CHST11: variants seen among roughly 807,000 people sequenced by gnomAD.
CHST11 encodes C4S-1.
Under a neutral mutation model 30.4 loss-of-function variants are expected in CHST11, and 9 were observed. The ratio of observed to expected loss-of-function variants is 0.30; its 90% CI spans 0.18 to 0.52. The LOEUF (loss-of-function observed/expected upper bound fraction) is 0.52, where lower values mean the gene tolerates loss of function less well. Ranked by LOEUF, CHST11 falls within the 20% of genes least tolerant of loss-of-function variation. The pLI is 0.97. For synonymous variants in CHST11, 152 were observed against 187.8 expected, an observed-to-expected ratio of 0.81 and a Z score of 1.56; for missense variants, 348 against 460.6, an observed-to-expected ratio of 0.76 and a Z score of 2.24.
chr12:104,614,693 TTG>T (rs3039184), intron 2 of CHST11, among the ~76,000 whole-genome samples: 10 of 148,850 alleles, frequency 6.7e-5, no homozygotes, highest in Admixed American at 1.3e-4. Flanking sequence ...GCATGCATGC[TTG>T]TGTGTGTGTG....
chr12:104,684,812 G>A (rs2039831639), intron 2 of CHST11, among the ~76,000 whole-genome samples: 2 of 152,122 alleles, frequency 1.3e-5, no homozygotes, highest in East Asian at 1.9e-4. Context: ...GCCTCCCAAA[G>A]TGCTGGGATT....
At chr12:104,507,279 G>A (rs749526869) in intron 1 of CHST11, among the ~76,000 whole-genome samples, 1 of 152,218 alleles carries the variant, frequency 6.6e-6, no homozygotes, top group Non-Finnish European at 1.5e-5. Flanking sequence ...CAATTAGCAG[G>A]ATATCCAGAG....
chr12:104,608,138 G>A (rs991903226), intron 2 of CHST11, among the ~76,000 whole-genome samples: 2 of 152,054 alleles, frequency 1.3e-5, no homozygotes, highest in Admixed American at 6.5e-5. Flanking sequence ...TGATTCTAAT[G>A]GGTAGCCAGG....
intron 1 of CHST11, among the ~76,000 whole-genome samples, chr12:104,595,392 C>G (rs948955594): frequency 1.3e-5 from 2 of 152,168 alleles, no homozygotes; most frequent in Non-Finnish European, 2.9e-5. Context: ...TCCTCCTACA[C>G]CAATTACTGT....
At chr12:104,516,806 C>A (rs1322182637) in intron 1 of CHST11, among the ~76,000 whole-genome samples, 3 of 151,818 alleles carry the variant, frequency 2.0e-5, no homozygotes, top group Non-Finnish European at 4.4e-5. Flanking sequence ...GCAGAAGGGG[C>A]ACATTAGGAG....
chr12:104,476,886 C>G (rs1833407074), intron 1 of CHST11, among the ~76,000 whole-genome samples: 1 of 151,030 alleles, frequency 6.6e-6, no homozygotes, highest in Admixed American at 6.7e-5. Context: ...AACTGTGTCC[C>G]CAGTCCCTGG....
chr12:104,610,745 T>G (rs989258097), intron 2 of CHST11, among the ~76,000 whole-genome samples: 2 of 152,156 alleles, frequency 1.3e-5, no homozygotes, highest in African/African-American at 4.8e-5. Flanking sequence ...AGCATGCATC[T>G]TCCTTTCCCA....
chr12:104,635,788 G>C (rs186443974), intron 2 of CHST11, among the ~76,000 whole-genome samples: 1 of 152,322 alleles, frequency 6.6e-6, no homozygotes, highest in East Asian at 1.9e-4. Context: ...TGATTGCTCA[G>C]TGGAGAAGCA....
chr12:104,565,982 C>A (rs1410034576), intron 1 of CHST11, among the ~76,000 whole-genome samples: 2 of 152,194 alleles, frequency 1.3e-5, no homozygotes, highest in Non-Finnish European at 2.9e-5. Flanking sequence ...GTGTGGCAGC[C>A]ACATTCTCAC....
intron 2 of CHST11, among the ~76,000 whole-genome samples, chr12:104,692,700 C>T (rs2039907728): frequency 6.6e-6 from 1 of 152,112 alleles, no homozygotes; most frequent in Non-Finnish European, 1.5e-5. Flanking sequence ...GCCTGAGCTC[C>T]ACCTCCTGTC....
intron 1 of CHST11, among the ~76,000 whole-genome samples, chr12:104,539,867 T>C (rs1018876403): frequency 6.6e-6 from 1 of 152,306 alleles, no homozygotes; most frequent in East Asian, 1.9e-4. Context: ...AGAGATAGGG[T>C]CTCACTGTGT....
At chr12:104,603,320 C>T (rs1309917717) in intron 2 of CHST11, among the ~76,000 whole-genome samples, 1 of 152,222 alleles carries the variant, frequency 6.6e-6, no homozygotes. Context: ...TTGATATCCT[C>T]TGTTCTCAGA....
intron 2 of CHST11, among the ~76,000 whole-genome samples, chr12:104,739,016 A>G (rs898838984): frequency 6.6e-6 from 1 of 152,202 alleles, no homozygotes; most frequent in African/African-American, 2.4e-5. Flanking sequence ...CCTGCTGGGC[A>G]GGGGTGAGGG....
intron 1 of CHST11, among the ~76,000 whole-genome samples, chr12:104,494,754 A>G (rs987849916): frequency 1.3e-5 from 2 of 152,150 alleles, no homozygotes; most frequent in African/African-American, 4.8e-5. Flanking sequence ...CACTTAAACA[A>G]TTCAGGGTGT....
chr12:104,471,204 T>C (rs2037505885), intron 1 of CHST11, among the ~76,000 whole-genome samples: 1 of 152,228 alleles, frequency 6.6e-6, no homozygotes. Context: ...TTACTCATTC[T>C]GATACATTGA....
intron 2 of CHST11, among the ~76,000 whole-genome samples, chr12:104,644,007 G>C (rs2039402803): frequency 6.6e-6 from 1 of 152,204 alleles, no homozygotes; most frequent in Non-Finnish European, 1.5e-5. Context: ...AGGTCTCTCT[G>C]CCTTTGCTAT....
At chr12:104,705,206 G>A (rs1269433617) in intron 2 of CHST11, among the ~76,000 whole-genome samples, 4 of 152,184 alleles carry the variant, frequency 2.6e-5, no homozygotes, top group Non-Finnish European at 5.9e-5. Flanking sequence ...GGTGTATACA[G>A]TGTTACTGTT....
At chr12:104,589,366 A>G (rs997308747) in intron 1 of CHST11, among the ~76,000 whole-genome samples, 14 of 150,204 alleles carry the variant, frequency 9.3e-5, no homozygotes, top group African/African-American at 3.2e-4. Flanking sequence ...GTACCACTGC[A>G]CTCCAGCCTG....
chr12:104,747,351 T>C (rs2040396440), intron 2 of CHST11, among the ~76,000 whole-genome samples: 1 of 152,238 alleles, frequency 6.6e-6, no homozygotes, highest in Admixed American at 6.5e-5. Context: ...CCTGTGCCTG[T>C]TTCCTTATCC....
Sources: allele counts gnomAD v4.1 joint callset (sites outside exome capture counted in the v4.1 genomes callset), GRCh38; gene constraint gnomAD v4.1.1; transcripts MANE v1.5; gene names NCBI Gene and HGNC (gene_info 2026-07-23, HGNC 2026-07-21).